Variants in ATP6V0A4 observed in about 807,000 individuals in gnomAD.
The protein encoded by ATP6V0A4 is V-type proton ATPase 116 kDa subunit a 4.
A neutral mutation model predicts 107.3 loss-of-function variants in ATP6V0A4; 86 were observed. That is an observed-to-expected ratio of 0.80 (90% CI 0.67 to 0.96). ATP6V0A4 has a LOEUF of 0.96. Among genes scored for constraint, ATP6V0A4 ranks in the 40% least tolerant of loss-of-function variants. ATP6V0A4 has a pLI of 0.00. For missense variants in ATP6V0A4, 908 were observed against 1,045.6 expected, an observed-to-expected ratio of 0.87 and a Z score of 1.81; for synonymous variants, 353 against 381.4, an observed-to-expected ratio of 0.93 and a Z score of 0.87.
At position 138,752,501 on chromosome 7, in the gene ATP6V0A4, G is replaced by A. The variant is rs186998479; in HGVS notation, c.1029+124C>T. ...TGGGGTTGATAACTGAAGACACAAA[G>A]ATGAAGGAAGCAATCCTACCACCAA... On this transcript the variant is annotated intron_variant, in intron 11 of 21. Coordinates refer to ENST00000310018, the MANE Select transcript of ATP6V0A4 (RefSeq NM_020632.3). The A allele has an allele frequency of 4.7e-4, 591 of 1,248,174 alleles. 3 individuals are homozygous for A. In the African/African-American group the frequency reaches 7.7e-3, roughly 16 times the overall value. The allele number at this position is 1,248,174 out of a possible 1,614,324, so 77.3% of individuals were successfully genotyped here.
chr7:138,793,911 T>C (rs551120977), intron 1 of ATP6V0A4, among the ~76,000 whole-genome samples: 1 of 152,112 alleles, frequency 6.6e-6, no homozygotes, highest in African/African-American at 2.4e-5. Context: ...TCCTGGGAAG[T>C]GTTCAAAAAT....
At chr7:138,754,876 C>G (rs184056858) in intron 10 of ATP6V0A4, among the ~76,000 whole-genome samples, 1 of 152,270 alleles carries the variant, frequency 6.6e-6, no homozygotes, top group East Asian at 1.9e-4. Context: ...GATCCACCCA[C>G]CTCAGCTTCC....
At chr7:138,735,900 GC>G (rs1323317080) in intron 15 of ATP6V0A4, among the ~76,000 whole-genome samples, 1 of 30,174 alleles carries the variant, frequency 3.3e-5, no homozygotes, top group African/African-American at 1.5e-4. Flanking sequence ...CTCTACAAAA[GC>G]TTTTTTAAAA....
At chr7:138,754,711 C>T (rs1366234441) in intron 10 of ATP6V0A4, among the ~76,000 whole-genome samples, 1 of 151,916 alleles carries the variant, frequency 6.6e-6, no homozygotes, top group Non-Finnish European at 1.5e-5. Flanking sequence ...AAACCTTTGC[C>T]TCTCAGGTTC....
intron 1 of ATP6V0A4, among the ~76,000 whole-genome samples, chr7:138,789,074 T>C (rs146625424): frequency 7.5e-4 from 114 of 152,336 alleles, no homozygotes; most frequent in Middle Eastern, 6.8e-3. Flanking sequence ...ATGTTATATC[T>C]GTGTCTTCTT....
chr7:138,759,651 C>T, intron 8 of ATP6V0A4, 101 bp downstream of exon 8: 1 of 1,250,102 alleles, frequency 8.0e-7, no homozygotes. Context: ...AGATATTAGT[C>T]TCATCAAACT....
rs1686286785 is a variant in ATP6V0A4, at chr7:138,762,843, T to C, written c.417+57A>G. On this transcript the variant is annotated intron_variant, in intron 6 of 21. Transcript: ENST00000310018. ...ATCCCAGGCCAGCCAGTTTCCAAAA[T>C]GGAAATTTGAGGTTCTGAGGAACGG... The C allele has an allele frequency of 3.2e-6, 5 of 1,585,664 alleles. No homozygotes were observed. The Admixed American group carries it at 8.3e-5, about 26-fold the overall frequency.
At chr7:138,763,529 G>A (rs563212492) in intron 5 of ATP6V0A4, among the ~76,000 whole-genome samples, 11 of 152,252 alleles carry the variant, frequency 7.2e-5, no homozygotes, top group Admixed American at 2.6e-4. Context: ...CCAGGAGGCC[G>A]AGGCAGGAGA....
At chr7:138,737,095 G>A (rs114789770) in intron 15 of ATP6V0A4, among the ~76,000 whole-genome samples, 2,527 of 67,242 alleles carry the variant, frequency 0.038, 175 homozygotes, top group African/African-American at 0.13. Flanking sequence ...TTTGTGTTAT[G>A]TAAAAAGTAA....
intron 5 of ATP6V0A4, among the ~76,000 whole-genome samples, chr7:138,763,378 A>G (rs1806926445): frequency 6.6e-6 from 1 of 152,182 alleles, no homozygotes; most frequent in Non-Finnish European, 1.5e-5. Context: ...CTGTAATCCC[A>G]GCACTTTGGG....
intron 20 of ATP6V0A4, among the ~76,000 whole-genome samples, chr7:138,711,197 G>A (rs1199709313): frequency 6.6e-6 from 1 of 152,070 alleles, no homozygotes. Context: ...TGACAGTCGG[G>A]GAATGTTTTA....
rs1005659988 is a variant in ATP6V0A4 at position 138,778,018 on chromosome 7, T to G, written c.-17-6754A>C. Reference sequence around the variant, plus strand: ...AAAACTCAGGCACACAACACATATTTCATTCAGAGTCCTCAAGGGAAAAAT... The same window carrying G: ...AAAACTCAGGCACACAACACATATTGCATTCAGAGTCCTCAAGGGAAAAAT... On this transcript the variant is annotated intron_variant, in intron 2 of 21. Coordinates refer to ENST00000310018, the MANE Select transcript of ATP6V0A4 (RefSeq NM_020632.3). 2.6e-5 allele frequency among the ~76,000 whole-genome samples: 4 copies of G among 152,276 alleles called. No individual in the cohort carries two copies. The South Asian group carries it at 6.2e-4, about 24-fold the overall frequency.
chr7:138,707,878 G>A (rs1038371505), intron 21 of ATP6V0A4, among the ~76,000 whole-genome samples: 2 of 151,342 alleles, frequency 1.3e-5, no homozygotes, highest in Non-Finnish European at 2.9e-5. Context: ...CACCCTCACT[G>A]TGCAGCACTC....
intron 18 of ATP6V0A4, among the ~76,000 whole-genome samples, chr7:138,722,272 G>T (rs937019525): frequency 1.3e-5 from 2 of 152,036 alleles, no homozygotes; most frequent in Non-Finnish European, 2.9e-5. Context: ...AGCTTGTAGT[G>T]AGCGGACATT....
intron 20 of ATP6V0A4, among the ~76,000 whole-genome samples, chr7:138,712,040 C>T (rs970302048): frequency 3.3e-5 from 5 of 152,142 alleles, no homozygotes; most frequent in Admixed American, 1.3e-4. Flanking sequence ...TCAAGTTATT[C>T]TCCTGCCTCA....
chr7:138,736,154 G>A (rs1805311963), intron 15 of ATP6V0A4, among the ~76,000 whole-genome samples: 1 of 152,080 alleles, frequency 6.6e-6, no homozygotes, highest in East Asian at 1.9e-4. Flanking sequence ...GCTGAAGCAG[G>A]GAGATTGAGG....
intron 21 of ATP6V0A4, among the ~76,000 whole-genome samples, chr7:138,707,092 GTATAA>G (rs1293222281): frequency 9.8e-6 from 1 of 102,350 alleles, no homozygotes; most frequent in Non-Finnish European, 1.8e-5. Context: ...GTGTGTGTGT[GTATAA>G]TATATCATAT....
intron 15 of ATP6V0A4, among the ~76,000 whole-genome samples, chr7:138,737,113 T>TA (rs71531977): frequency 0.32 from 34,112 of 106,696 alleles, 9,734 homozygotes; most frequent in East Asian, 0.62. Flanking sequence ...TAAGCCCTTA[T>TA]TAATATATAT....
intron 12 of ATP6V0A4, 192 bp from the exon 13 acceptor site, chr7:138,747,756 G>T: frequency 1.0e-6 from 1 of 965,358 alleles, no homozygotes; most frequent in Non-Finnish European, 1.5e-6. Context: ...TAGGCATTCT[G>T]TTTTTCAATT....
Sources: gnomAD v4.1 joint callset for allele counts (sites outside exome capture counted in the v4.1 genomes callset) on GRCh38, gnomAD v4.1.1 for gene constraint, MANE v1.5 for transcripts, NCBI Gene and HGNC (gene_info 2026-07-23, HGNC 2026-07-21) for gene names.